The following NDUFA10 variants were observed in gnomAD, a reference collection of about 807,000 sequenced individuals.
NDUFA10 encodes NADH:ubiquinone oxidoreductase subunit A10.
A neutral mutation model predicts 47.8 loss-of-function variants in NDUFA10; 40 were observed. That is an observed-to-expected ratio of 0.84 (90% CI 0.65 to 1.09). NDUFA10 has a LOEUF of 1.09. Ranked by LOEUF, NDUFA10 falls within the 50% of genes least tolerant of loss-of-function variation. NDUFA10 has a pLI of 0.00. For missense variants in NDUFA10, 413 were observed against 451.1 expected (o/e 0.92, Z 0.76); for synonymous variants, 183 against 172.2 (o/e 1.06, Z -0.49).
At chr2:239,898,520 A>C (rs1446678426) in intron 4 of NDUFA10, among the ~76,000 whole-genome samples, 2 of 152,112 alleles carry the variant, frequency 1.3e-5, no homozygotes, top group African/African-American at 4.8e-5. Flanking sequence ...GTGAGGTTGA[A>C]CCCTGGGGCT....
chr2:240,014,691 C>A (rs766448161), intron 5 of NDUFA10, 48 bp downstream of exon 5: 7 of 1,613,328 alleles, frequency 4.3e-6, no homozygotes, highest in Non-Finnish European at 5.9e-6. Flanking sequence ...TAGTGCTGAT[C>A]TACATTCAAA....
intron 9 of NDUFA10, among the ~76,000 whole-genome samples, chr2:239,970,386 A>G (rs1221915587): frequency 3.3e-5 from 5 of 152,252 alleles, no homozygotes; most frequent in East Asian, 1.9e-4. Context: ...GATCTGTTCT[A>G]TAACAACTGC....
At chr2:239,913,326 C>A (rs187063048) in intron 4 of NDUFA10, among the ~76,000 whole-genome samples, 1 of 152,242 alleles carries the variant, frequency 6.6e-6, no homozygotes. Flanking sequence ...CTGGCCTAGG[C>A]GCACCACTTC....
intron 4 of NDUFA10, among the ~76,000 whole-genome samples, chr2:239,926,732 C>T (rs1275163798): frequency 6.6e-6 from 1 of 152,124 alleles, no homozygotes; most frequent in South Asian, 2.1e-4. Context: ...TCCTGAAGAC[C>T]TTCCAGTGGG....
intron 9 of NDUFA10, among the ~76,000 whole-genome samples, chr2:239,986,203 T>G (rs1574850604): frequency 6.6e-6 from 1 of 152,148 alleles, no homozygotes; most frequent in East Asian, 1.9e-4. Flanking sequence ...TGAAAGAAAA[T>G]ATTGGCAATT....
At chr2:239,914,420 GAC>G (rs142245714) in intron 4 of NDUFA10, among the ~76,000 whole-genome samples, 21,617 of 139,424 alleles carry the variant, frequency 0.16, 1,679 homozygotes, top group South Asian at 0.18. Flanking sequence ...CAAATATACA[GAC>G]ACACACAGAG....
At chr2:239,927,044 G>T (rs1251578141) in intron 4 of NDUFA10, among the ~76,000 whole-genome samples, 1 of 152,044 alleles carries the variant, frequency 6.6e-6, no homozygotes, top group Non-Finnish European at 1.5e-5. Flanking sequence ...CGATTCAACG[G>T]CCTCCCACCA....
intron 8 of NDUFA10, among the ~76,000 whole-genome samples, chr2:239,996,300 C>T (rs1043206764): frequency 6.6e-6 from 1 of 152,080 alleles, no homozygotes; most frequent in Non-Finnish European, 1.5e-5. Context: ...CCATAGAAAA[C>T]CTTAATAAAT....
chr2:239,929,186 T>C (rs1694116101), intron 4 of NDUFA10, among the ~76,000 whole-genome samples: 1 of 152,196 alleles, frequency 6.6e-6, no homozygotes, highest in Non-Finnish European at 1.5e-5. Flanking sequence ...GCCCTGACAC[T>C]GCAGTGATGT....
In NDUFA10 at chr2:239,996,149, G is replaced by C. The variant is rs868269484; in HGVS notation, c.891-5967C>G. Among the ~76,000 whole-genome samples the C allele has an allele frequency of 5.3e-5, 8 of 152,144 alleles. No homozygotes were observed. The East Asian group carries it at 1.3e-3, about 26-fold the overall frequency. ...CTGAGTAACCGATGGACCCAGCAGA[G>C]AGAAAATCAGTAAGGATACCGATGA... On this transcript the variant is annotated intron_variant, in intron 8 of 9. Transcript: ENST00000252711.
In NDUFA10 at chr2:239,958,643, C is replaced by T. The variant is rs1467302756; in HGVS notation, c.*2475G>A. Reference sequence around the variant, plus strand: ...GAGCTGCTGCTGCTATCTACCCAGGCAACTCCATTTTGCTGAGGTGGTCCT... The same window carrying T: ...GAGCTGCTGCTGCTATCTACCCAGGTAACTCCATTTTGCTGAGGTGGTCCT... On this transcript the variant is annotated 3_prime_UTR_variant, in exon 10 of 10. Coordinates refer to ENST00000252711, the MANE Select transcript of NDUFA10 (RefSeq NM_004544.4). 1 of 152,480 alleles carries T rather than the reference C, an allele frequency of 6.6e-6. No homozygotes were observed. The highest frequency in any genetic ancestry group is 1.5e-5 in the Non-Finnish European group (1 of 68,274). The allele number at this position is 152,480 out of a possible 1,614,324, so 9.4% of individuals were successfully genotyped here. A position where few individuals can be genotyped will look rare whatever the true frequency, so the allele number is the denominator to read the frequency against.
intron 4 of NDUFA10, among the ~76,000 whole-genome samples, chr2:239,934,564 T>G (rs1168011683): frequency 6.6e-6 from 1 of 152,208 alleles, no homozygotes; most frequent in Non-Finnish European, 1.5e-5. Flanking sequence ...ATCAGGGTAA[T>G]TCGCTTACCC....
chr2:240,017,176 T>C (rs1444466821), intron 4 of NDUFA10, among the ~76,000 whole-genome samples: 2 of 152,198 alleles, frequency 1.3e-5, no homozygotes, highest in Non-Finnish European at 2.9e-5. Flanking sequence ...CATCTAACCA[T>C]GTCTCTGCCA....
rs181260289 is a variant in NDUFA10 at position 240,021,462 on chromosome 2, C to T, written c.245-50G>A. On this transcript the variant is annotated intron_variant, in intron 2 of 9. Coordinates refer to ENST00000252711, the MANE Select transcript of NDUFA10 (RefSeq NM_004544.4). The stretch of plus-strand genomic sequence containing the variant: ...AGTCTGATGCACATCACTCACTCCC[C>T]GCAGGGAGCAGTGGGGACTAGCCAA... 5.2e-6 allele frequency: 8 copies of T among 1,545,408 alleles called. No homozygotes were observed. In the South Asian group the frequency reaches 5.6e-5, roughly 11 times the overall value.
At chr2:239,921,958 CT>C (rs1287620446) in intron 4 of NDUFA10, among the ~76,000 whole-genome samples, 2 of 147,800 alleles carry the variant, frequency 1.4e-5, no homozygotes, top group African/African-American at 5.0e-5. Context: ...TCCTCCTCCC[CT>C]CCCTCCCTCC....
chr2:239,977,409 A>C lies in NDUFA10; in HGVS notation c.999+12665T>G, dbSNP rs146972416. ...CTCCTGTTTCTGGAGTCCCCATTTA[A>C]GGGTGCAGTTGATGGGAAAGAGCAG... On this transcript the variant is annotated intron_variant, in intron 9 of 9. Coordinates refer to ENST00000252711, the MANE Select transcript of NDUFA10 (RefSeq NM_004544.4). Among the ~76,000 whole-genome samples, 10 of 152,288 alleles carry C rather than the reference A, an allele frequency of 6.6e-5. No homozygotes were observed. The East Asian group carries it at 1.9e-3, about 29-fold the overall frequency.
chr2:239,990,809 T>C (rs1268513588), intron 8 of NDUFA10, among the ~76,000 whole-genome samples: 1 of 152,212 alleles, frequency 6.6e-6, no homozygotes, highest in African/African-American at 2.4e-5. Context: ...TGTTAAAATA[T>C]TTATACTTTG....
At chr2:239,995,214 C>A (rs1365648231) in intron 8 of NDUFA10, among the ~76,000 whole-genome samples, 4 of 152,068 alleles carry the variant, frequency 2.6e-5, no homozygotes, top group Admixed American at 6.5e-5. Context: ...GGGGAGGCTG[C>A]AGTGAGCCAA....
At chr2:239,943,788 G>T (rs906276814) in intron 4 of NDUFA10, among the ~76,000 whole-genome samples, 3 of 152,112 alleles carry the variant, frequency 2.0e-5, no homozygotes, top group African/African-American at 7.2e-5. Flanking sequence ...ATGAGCAGAC[G>T]AGTATGGGCC....
Sources: allele counts gnomAD v4.1 joint callset (sites outside exome capture counted in the v4.1 genomes callset), GRCh38; gene constraint gnomAD v4.1.1; transcripts MANE v1.5; gene names NCBI Gene and HGNC (gene_info 2026-07-23, HGNC 2026-07-21).